The following SSBP2 variants were observed in gnomAD, a reference collection of about 807,000 sequenced individuals.
The protein encoded by SSBP2 is single stranded DNA binding protein 2.
Under a neutral mutation model 61.8 loss-of-function variants are expected in SSBP2, and 17 were observed. The observed-to-expected ratio is 0.28, with a 90% CI of 0.19 to 0.41. The LOEUF (loss-of-function observed/expected upper bound fraction) is 0.41. Ranked by LOEUF, SSBP2 falls within the 10% of genes least tolerant of loss-of-function variation. The probability of loss-of-function intolerance (pLI) is 1.00; values close to 1 mark genes in which losing one functional copy is unlikely to be tolerated. For missense variants in SSBP2, 310 were observed against 458.7 expected (o/e 0.68, Z 2.96); for synonymous variants, 139 against 141.3 (o/e 0.98, Z 0.12).
chr5:81,748,696 T>C (rs537530323), intron 1 of SSBP2, among the ~76,000 whole-genome samples: 100 of 152,266 alleles, frequency 6.6e-4, no homozygotes, highest in Non-Finnish European at 1.2e-3. Flanking sequence ...TTGAAATGAA[T>C]GGAAGAAATA....
intron 5 of SSBP2, among the ~76,000 whole-genome samples, chr5:81,500,834 T>C (rs1368593553): frequency 6.6e-6 from 1 of 152,072 alleles, no homozygotes; most frequent in Non-Finnish European, 1.5e-5. Context: ...AGCTTACTAA[T>C]TTGACTAATG....
intron 4 of SSBP2, among the ~76,000 whole-genome samples, chr5:81,608,698 G>A (rs1745126229): frequency 6.6e-6 from 1 of 152,096 alleles, no homozygotes; most frequent in African/African-American, 2.4e-5. Flanking sequence ...TTGAGATGTT[G>A]TAAATGAATA....
intron 6 of SSBP2, among the ~76,000 whole-genome samples, chr5:81,488,043 A>AT (rs1409329110): frequency 6.4e-5 from 4 of 62,568 alleles, no homozygotes; most frequent in Non-Finnish European, 9.1e-5. Flanking sequence ...ATATATATAT[A>AT]TATATATATA....
intron 3 of SSBP2, chr5:81,616,032 T>G (rs150874472): frequency 1.9e-3 from 295 of 153,058 alleles, no homozygotes; most frequent in Non-Finnish European, 2.3e-3. Context: ...ATTTTCTAAA[T>G]AATGGTGTTT....
At chr5:81,543,633 T>C (rs1220338501) in intron 4 of SSBP2, among the ~76,000 whole-genome samples, 1 of 152,040 alleles carries the variant, frequency 6.6e-6, no homozygotes, top group Admixed American at 6.5e-5. Flanking sequence ...CAAACCTACA[T>C]ATATGTATCC....
intron 4 of SSBP2, among the ~76,000 whole-genome samples, chr5:81,609,272 C>T (rs1175206942): frequency 6.6e-6 from 1 of 152,094 alleles, no homozygotes; most frequent in Non-Finnish European, 1.5e-5. Flanking sequence ...AACAGCTCAG[C>T]TTAGTGTTCC....
intron 1 of SSBP2, among the ~76,000 whole-genome samples, chr5:81,721,322 A>G (rs17233321): frequency 0.028 from 4,200 of 152,178 alleles, 78 homozygotes; most frequent in Non-Finnish European, 0.04. Context: ...TAACTTCTAT[A>G]CAACTCTTCC....
intron 4 of SSBP2, among the ~76,000 whole-genome samples, chr5:81,540,890 C>G (rs1156795062): frequency 6.6e-6 from 1 of 151,540 alleles, no homozygotes; most frequent in African/African-American, 2.4e-5. Flanking sequence ...TATTAGAATT[C>G]CTGGAGGTCC....
intron 1 of SSBP2, 33 bp from the exon 2 acceptor site, chr5:81,650,372 G>A (rs1244734815): frequency 1.4e-6 from 2 of 1,395,262 alleles, no homozygotes; most frequent in Non-Finnish European, 9.8e-7. Flanking sequence ...ATTGAGAAGA[G>A]GAATATTAAA....
intron 4 of SSBP2, among the ~76,000 whole-genome samples, chr5:81,581,118 A>C (rs1774608802): frequency 6.6e-6 from 1 of 152,194 alleles, no homozygotes; most frequent in African/African-American, 2.4e-5. Flanking sequence ...CTGGTAACTG[A>C]TAGGCAACAA....
chr5:81,587,648 T>C (rs1775157508), intron 4 of SSBP2, among the ~76,000 whole-genome samples: 2 of 152,164 alleles, frequency 1.3e-5, no homozygotes, highest in Middle Eastern at 3.2e-3. Context: ...GGGAATTGCC[T>C]GAGCCCAGGA....
intron 1 of SSBP2, among the ~76,000 whole-genome samples, chr5:81,699,910 C>T (rs1189293101): frequency 3.5e-5 from 5 of 144,728 alleles, no homozygotes; most frequent in Admixed American, 7.2e-5. Flanking sequence ...GGCTGGAGTA[C>T]GGTGGCACCA....
chr5:81,550,157 C>T (rs75070507), intron 4 of SSBP2, among the ~76,000 whole-genome samples: 1,574 of 152,274 alleles, frequency 0.01, 26 homozygotes, highest in African/African-American at 0.036. Context: ...TGTACACGAA[C>T]GTTAATAGTA....
chr5:81,598,489 T>C lies in SSBP2; in HGVS notation c.282+16984A>G, dbSNP rs376064272. 1.1e-4 allele frequency among the ~76,000 whole-genome samples: 17 copies of C among 152,284 alleles called. No individual in the cohort carries two copies. In the East Asian group the frequency reaches 3.1e-3, roughly 28 times the overall value. On this transcript the variant is annotated intron_variant, in intron 4 of 16. Coordinates refer to ENST00000320672, the MANE Select transcript of SSBP2 (RefSeq NM_012446.5). ...TGGACCAAAGAACCCATAAGCACAA[T>C]AAATGATTACTTTATATCATTACTG... is the stretch of plus-strand genomic sequence containing the variant.
At chr5:81,550,504 T>C (rs892196698) in intron 4 of SSBP2, among the ~76,000 whole-genome samples, 5 of 152,198 alleles carry the variant, frequency 3.3e-5, no homozygotes, top group African/African-American at 1.2e-4. Flanking sequence ...TTTAAAGATA[T>C]TAAAAAGAGG....
chr5:81,459,015 C>T (rs781699330), intron 10 of SSBP2, among the ~76,000 whole-genome samples: 3 of 152,176 alleles, frequency 2.0e-5, no homozygotes, highest in Non-Finnish European at 4.4e-5. Context: ...ATTTGGTATA[C>T]ATTCATCGAG....
At chr5:81,620,122 G>T (rs1228426720) in intron 3 of SSBP2, among the ~76,000 whole-genome samples, 1 of 103,440 alleles carries the variant, frequency 9.7e-6, no homozygotes, top group African/African-American at 4.0e-5. Flanking sequence ...GGCAGGAGAA[G>T]GAAATAAAGG....
At chr5:81,431,739 C>T (rs919829634) in intron 15 of SSBP2, among the ~76,000 whole-genome samples, 1 of 152,096 alleles carries the variant, frequency 6.6e-6, no homozygotes, top group South Asian at 2.1e-4. Context: ...TGTGTGCTAC[C>T]ACATCTGGCT....
At chr5:81,651,649 A>G (rs971851830) in intron 1 of SSBP2, among the ~76,000 whole-genome samples, 1 of 152,144 alleles carries the variant, frequency 6.6e-6, no homozygotes. Flanking sequence ...CCCTAACACA[A>G]TAAGCTATAT....
Sources: gnomAD v4.1 joint callset for allele counts (sites outside exome capture counted in the v4.1 genomes callset) on GRCh38, gnomAD v4.1.1 for gene constraint, MANE v1.5 for transcripts, NCBI Gene and HGNC (gene_info 2026-07-23, HGNC 2026-07-21) for gene names.